ZNF536: variants seen among roughly 807,000 people sequenced by gnomAD.
ZNF536 encodes the protein zinc finger protein 536.
In ZNF536, 13 loss-of-function variants were observed where a neutral mutation model predicts 84.5. The observed-to-expected ratio is 0.15, with a 90% CI of 0.10 to 0.24. The LOEUF is 0.24. Among genes scored for constraint, ZNF536 ranks in the 10% least tolerant of loss-of-function variants. ZNF536 has a pLI of 1.00. For synonymous variants in ZNF536, 811 were observed against 742.5 expected (o/e 1.09, Z -1.50); for missense variants, 1,536 against 1,747.5 (o/e 0.88, Z 2.16).
In ZNF536 at chr19:30,396,157, A is replaced by G. The variant is rs556393222; in HGVS notation, c.-3+23601A>G. On this transcript the variant is annotated intron_variant, in intron 1 of 4. Transcript: ENST00000355537. ...TATGTTGTAAAAAAAATGACTTCTC[A>G]CCAAATAACAAATGCCAGTCACCAA... Among the ~76,000 whole-genome samples the G allele has an allele frequency of 9.2e-5, 14 of 152,252 alleles. No homozygotes were observed. The South Asian group carries it at 2.7e-3, about 29-fold the overall frequency.
chr19:30,471,125 C>A (rs901369016), intron 2 of ZNF536, among the ~76,000 whole-genome samples: 4 of 152,032 alleles, frequency 2.6e-5, no homozygotes, highest in Non-Finnish European at 5.9e-5. Context: ...CTGGCTTAGA[C>A]CGTTTATCAG....
intron 2 of ZNF536, among the ~76,000 whole-genome samples, chr19:30,497,988 G>A (rs1268147516): frequency 6.6e-6 from 1 of 152,106 alleles, no homozygotes; most frequent in South Asian, 2.1e-4. Flanking sequence ...TGGAGAAATC[G>A]CAGTCCTCTT....
At chr19:30,423,794 G>A (rs2051087347) in intron 1 of ZNF536, among the ~76,000 whole-genome samples, 1 of 152,196 alleles carries the variant, frequency 6.6e-6, no homozygotes, top group Admixed American at 6.5e-5. Flanking sequence ...CAGCAGCTGT[G>A]GCGGGGAACG....
At chr19:30,325,046 C>T (rs1600225579) in intron 2 of ZNF536, among the ~76,000 whole-genome samples, 1 of 152,192 alleles carries the variant, frequency 6.6e-6, no homozygotes, top group Non-Finnish European at 1.5e-5. Flanking sequence ...ACGTTTGCTC[C>T]TTGGCCTGGG....
At chr19:30,278,379 A>G (rs955889229) in intron 1 of ZNF536, among the ~76,000 whole-genome samples, 1 of 152,156 alleles carries the variant, frequency 6.6e-6, no homozygotes, top group African/African-American at 2.4e-5. Flanking sequence ...CGATTAGGGC[A>G]GGAGGATAGT....
intron 1 of ZNF536, among the ~76,000 whole-genome samples, chr19:30,420,987 G>A (rs1371112244): frequency 6.6e-6 from 1 of 152,158 alleles, no homozygotes; most frequent in African/African-American, 2.4e-5. Context: ...TACACGCTGA[G>A]GTTGAAGTTG....
intron 3 of ZNF536, among the ~76,000 whole-genome samples, chr19:30,543,781 G>A (rs1231045661): frequency 6.6e-6 from 1 of 152,222 alleles, no homozygotes; most frequent in African/African-American, 2.4e-5. Flanking sequence ...TAAGTAGTTT[G>A]CCTCCTGAGC....
chr19:30,555,045 AC>A (rs1308451775), intron 4 of ZNF536: 4 of 152,376 alleles, frequency 2.6e-5, no homozygotes, highest in Non-Finnish European at 5.9e-5. Flanking sequence ...CTGGGAAGCC[AC>A]ACCTCTGTCT....
At chr19:30,297,254 A>C (rs1018096168) in intron 2 of ZNF536, among the ~76,000 whole-genome samples, 2 of 152,222 alleles carry the variant, frequency 1.3e-5, no homozygotes, top group African/African-American at 4.8e-5. Context: ...CTTTTTCCTG[A>C]AGTCCTTTTA....
Position 30,557,656 on chromosome 19 carries a change from C to G in ZNF536, c.*492C>G, listed in dbSNP as rs1281455698. ...ACAGAAAAGTGCAGTAATTCTCTTT[C>G]TCCATAGTATTTAAGCAGAAATATT... is the stretch of plus-strand genomic sequence containing the variant. On this transcript the variant is annotated 3_prime_UTR_variant, in exon 5 of 5. Coordinates refer to ENST00000355537, the MANE Select transcript of ZNF536 (RefSeq NM_014717.3). 6.6e-6 allele frequency: 1 copy of G among 152,564 alleles called. No individual in the cohort carries two copies. Among genetic ancestry groups the G allele is most frequent in the African/African-American group, 2.4e-5 (1 of 41,442 alleles). The allele number at this position is 152,564 out of a possible 1,614,324, so 9.5% of individuals were successfully genotyped here. A position where few individuals can be genotyped will look rare whatever the true frequency, so the allele number is the denominator to read the frequency against.
At position 30,484,201 on chromosome 19, in the gene ZNF536, G is replaced by A. The variant is rs74674829; in HGVS notation, c.2170+38469G>A. On this transcript the variant is annotated intron_variant, in intron 2 of 4. Transcript: ENST00000355537. ...ATGTCCCAGAAATTCAAATTCATCAGTGTGGGGTGTTTTCTCTCATTTTGA... is the reference window on the plus strand; with the variant it reads ...ATGTCCCAGAAATTCAAATTCATCAATGTGGGGTGTTTTCTCTCATTTTGA... Among the ~76,000 whole-genome samples, 20 of 150,714 alleles carry A rather than the reference G, an allele frequency of 1.3e-4. No individual in the cohort carries two copies. The East Asian group carries it at 3.9e-3, about 29-fold the overall frequency.
intron 1 of ZNF536, among the ~76,000 whole-genome samples, chr19:30,415,897 A>G (rs1050178760): frequency 6.6e-6 from 1 of 152,216 alleles, no homozygotes; most frequent in African/African-American, 2.4e-5. Flanking sequence ...GGCATGAGCC[A>G]TCATGCCCGG....
intron 1 of ZNF536, among the ~76,000 whole-genome samples, chr19:30,682,640 T>C (rs2051022226): frequency 6.6e-6 from 1 of 152,234 alleles, no homozygotes; most frequent in Non-Finnish European, 1.5e-5. Context: ...CTGACGCTGC[T>C]TCCTGGATCT....
At chr19:30,646,561 C>G (rs1367695882) in intron 1 of ZNF536, among the ~76,000 whole-genome samples, 1 of 152,218 alleles carries the variant, frequency 6.6e-6, no homozygotes, top group Non-Finnish European at 1.5e-5. Flanking sequence ...CTTTGCCGGT[C>G]AGTGGGCACA....
chr19:30,418,294 A>C (rs2050816442), intron 1 of ZNF536, among the ~76,000 whole-genome samples: 1 of 152,062 alleles, frequency 6.6e-6, no homozygotes, highest in Admixed American at 6.6e-5. Flanking sequence ...TGACCTACTC[A>C]CTGTATAGTT....
intron 1 of ZNF536, among the ~76,000 whole-genome samples, chr19:30,264,874 G>A (rs1325647435): frequency 6.6e-6 from 1 of 151,610 alleles, no homozygotes; most frequent in Non-Finnish European, 1.5e-5. Flanking sequence ...CAGGCTGTGA[G>A]GACAGAGAAA....
intron 1 of ZNF536, among the ~76,000 whole-genome samples, chr19:30,245,297 C>G (rs916716053): frequency 6.6e-6 from 1 of 152,184 alleles, no homozygotes; most frequent in Non-Finnish European, 1.5e-5. Context: ...GTTGTCTGCA[C>G]AGTGCTTATC....
intron 1 of ZNF536, among the ~76,000 whole-genome samples, chr19:30,281,507 G>A (rs1056311924): frequency 2.5e-5 from 3 of 117,780 alleles, no homozygotes; most frequent in East Asian, 4.1e-4. Flanking sequence ...ACCTTCACAC[G>A]ATGGGTGGTA....
intron 1 of ZNF536, among the ~76,000 whole-genome samples, chr19:30,639,905 G>C (rs916031447): frequency 6.6e-6 from 1 of 152,212 alleles, no homozygotes; most frequent in Non-Finnish European, 1.5e-5. Flanking sequence ...GACCTGTCAA[G>C]TCTTGGCTCC....
Sources: gnomAD v4.1 joint callset for allele counts (sites outside exome capture counted in the v4.1 genomes callset) on GRCh38, gnomAD v4.1.1 for gene constraint, MANE v1.5 for transcripts, NCBI Gene and HGNC (gene_info 2026-07-23, HGNC 2026-07-21) for gene names.